The following DYRK1B variants were observed in gnomAD, a reference collection of about 807,000 sequenced individuals.
DYRK1B encodes dual specificity tyrosine phosphorylation regulated kinase 1B, also known as dual specificity tyrosine-phosphorylation-regulated kinase 1B.
Under a neutral mutation model 57.1 loss-of-function variants are expected in DYRK1B, and 20 were observed. The ratio of observed to expected loss-of-function variants is 0.35; its 90% CI spans 0.25 to 0.51. The LOEUF (loss-of-function observed/expected upper bound fraction) is 0.51, where lower values mean the gene tolerates loss of function less well. DYRK1B is among the 20% of genes least tolerant of loss of function. The pLI, the probability that DYRK1B is intolerant of heterozygous loss-of-function variation, is 0.96. For synonymous variants in DYRK1B, 409 were observed against 384.7 expected, an observed-to-expected ratio of 1.06 and a Z score of -0.74; for missense variants, 732 against 886.3, an observed-to-expected ratio of 0.83 and a Z score of 2.21.
At chr19:39,829,761 A>G (rs1260415117) in intron 5 of DYRK1B, 119 bp downstream of exon 5, 1 of 1,180,404 alleles carries the variant, frequency 8.5e-7, no homozygotes, top group Non-Finnish European at 1.2e-6. Context: ...GCACAGACCA[A>G]ACCCTGCTCT....
At chr19:39,830,101 G>T in intron 4 of DYRK1B, 74 bp from the exon 5 acceptor site, 1 of 1,561,500 alleles carries the variant, frequency 6.4e-7, no homozygotes, top group South Asian at 1.2e-5. Flanking sequence ...TCTCCCTCCA[G>T]GCAAGGAGAC....
At chr19:39,830,354 G>A in intron 4 of DYRK1B, 21 bp downstream of exon 4, 1 of 1,613,752 alleles carries the variant, frequency 6.2e-7, no homozygotes. Flanking sequence ...TTGGATCAGG[G>A]TGGTGGGGGG....
chr19:39,830,045 G>A lies in DYRK1B; in HGVS notation c.373-18C>T. The A allele has an allele frequency of 6.2e-7, 1 of 1,613,208 alleles. No homozygotes were observed. The highest frequency in any genetic ancestry group is 2.2e-5 in the East Asian group (1 of 44,874). ...TTCACCACCTGTTGGGGCAGGGCAT[G>A]TCACGAAGAAAGGGGTGGGAGCAGG... On this transcript the variant is annotated intron_variant, in intron 4 of 10. Transcript: ENST00000323039.
intron 8 of DYRK1B, 144 bp downstream of exon 8, chr19:39,827,141 G>A (rs1968578228): frequency 1.7e-6 from 2 of 1,185,776 alleles, no homozygotes; most frequent in African/African-American, 1.5e-5. Flanking sequence ...TGGGAGATGG[G>A]GTGGGCAGGG....
At chr19:39,830,843 G>A in intron 2 of DYRK1B, 60 bp from the exon 3 acceptor site, 2 of 1,548,424 alleles carry the variant, frequency 1.3e-6, no homozygotes, top group Non-Finnish European at 1.7e-6. Context: ...ACCTCAAGAG[G>A]AAGAACTGTA....
In DYRK1B at chr19:39,828,681, T is replaced by C. The variant is rs1042899708; in HGVS notation, c.521-98A>G. The stretch of plus-strand genomic sequence containing the variant: ...CAACGCTCTTTGATTACTAGCCACA[T>C]TGTGCTGTCCCCACGGGTACCATCT... On this transcript the variant is annotated intron_variant, in intron 5 of 10. Transcript: ENST00000323039. The surrounding 1 kb of genome is among the most constrained non-coding windows in gnomAD (Gnocchi z 4.3). 10 of 1,290,162 alleles carry C rather than the reference T, an allele frequency of 7.8e-6. No homozygotes were observed. The Admixed American group carries it at 9.0e-5, about 12-fold the overall frequency. 79.9% of individuals were successfully genotyped at this position (1,290,162 alleles called of 1,614,324 possible). A position where few individuals can be genotyped will look rare whatever the true frequency, so the allele number is the denominator to read the frequency against.
intron 1 of DYRK1B, chr19:39,833,270 G>A (rs1169451753): frequency 2.0e-6 from 2 of 985,454 alleles, no homozygotes; most frequent in Non-Finnish European, 2.4e-6. Context: ...CCCCTACCCG[G>A]GTCAGGGCTG....
chr19:39,830,313 C>A (rs752949578), intron 4 of DYRK1B, 62 bp downstream of exon 4: 1 of 1,602,802 alleles, frequency 6.2e-7, no homozygotes, highest in Non-Finnish European at 8.5e-7. Context: ...GCCACTGAAC[C>A]ACTGGGTGTG....
At position 39,826,069 on chromosome 19, in the gene DYRK1B, C is replaced by T. The variant is rs777983485; in HGVS notation, c.1536G>A (p.Pro512=). The T allele has an allele frequency of 6.9e-5, 105 of 1,519,682 alleles. No homozygotes were observed. Among genetic ancestry groups the T allele is most frequent in the African/African-American group, 9.8e-5 (7 of 71,558 alleles). The allele number at this position is 1,519,682 out of a possible 1,614,324, so 94.1% of individuals were successfully genotyped here. A position where few individuals can be genotyped will look rare whatever the true frequency, so the allele number is the denominator to read the frequency against. Residue 512 remains proline, a synonymous_variant, in exon 11 of 11, where the codon CCG becomes CCA. Coordinates refer to ENST00000323039, the MANE Select transcript of DYRK1B (RefSeq NM_004714.3). The surrounding 1 kb of genome is among the most constrained non-coding windows in gnomAD (Gnocchi z 6.3). ...MNSPQVPPSQ[P]LRPWAGGDVP... ...CATCACCCCCTGCCCAGGGCCGCAG[C>T]GGCTGGGAGGGTGGGACCTAAAAAA...
intron 1 of DYRK1B, 116 bp downstream of exon 1, chr19:39,833,907 C>A (rs1271214881): frequency 6.6e-6 from 1 of 152,448 alleles, no homozygotes; most frequent in Non-Finnish European, 1.5e-5. Context: ...CCTGCCACCC[C>A]CCTCCTCTCC....
Position 39,825,563 on chromosome 19 carries a change from C to G in DYRK1B, c.*152G>C, listed in dbSNP as rs1968487291. The G allele has an allele frequency of 1.3e-6, 1 of 764,014 alleles. No individual in the cohort carries two copies. The highest frequency in any genetic ancestry group is 2.1e-6 in the Non-Finnish European group (1 of 486,724). 47.3% of individuals were successfully genotyped at this position (764,014 alleles called of 1,614,324 possible). A position where few individuals can be genotyped will look rare whatever the true frequency, so the allele number is the denominator to read the frequency against. Reference sequence around the variant, plus strand: ...GGAGCGGCCAAAACCCTCTCCTTGACCCCCCTGCCCCAGGCCCCAATCAGT... The same window carrying G: ...GGAGCGGCCAAAACCCTCTCCTTGAGCCCCCTGCCCCAGGCCCCAATCAGT... On this transcript the variant is annotated 3_prime_UTR_variant, in exon 11 of 11. Coordinates refer to ENST00000323039, the MANE Select transcript of DYRK1B (RefSeq NM_004714.3).
In DYRK1B at chr19:39,825,829, G is replaced by C. The variant is rs745813446; in HGVS notation, c.1776C>G (p.Leu592=). 1.2e-6 allele frequency: 2 copies of C among 1,610,302 alleles called. No individual in the cohort carries two copies. Among genetic ancestry groups the C allele is most frequent in the Admixed American group, 3.4e-5 (2 of 59,644 alleles). ...PAPQHPAASA[L]RTRMTGGRPP... ...GACGACCTCCAGTCATCCGAGTCCG[G>C]AGGGCTGAGGCAGCCGGGTGCTGGG... Residue 592 remains leucine (L), a synonymous_variant, in exon 11 of 11, where the codon CTC becomes CTG. Coordinates refer to ENST00000323039, the MANE Select transcript of DYRK1B (RefSeq NM_004714.3).
At position 39,825,979 on chromosome 19, in the gene DYRK1B, T is replaced by TA; in HGVS notation, c.1625dup (p.Leu542PhefsTer33). Reference sequence around the variant, plus strand: ...GACCAAGGTATCGGGGCTGGGGGGGTAACTGGGCCCCGGTCCCAGGCAGTG... The same window carrying TA: ...GACCAAGGTATCGGGGCTGGGGGGGTAAACTGGGCCCCGGTCCCAGGCAGTG... On this transcript the variant is annotated frameshift_variant, in exon 11 of 11. Transcript: ENST00000323039. LOFTEE classifies it high-confidence loss of function. The TA allele has an allele frequency of 1.3e-6, 2 of 1,521,416 alleles. No homozygotes were observed. The highest frequency in any genetic ancestry group is 1.8e-6 in the Non-Finnish European group (2 of 1,137,408). 94.2% of individuals were successfully genotyped at this position (1,521,416 alleles called of 1,614,324 possible).
At position 39,830,647 on chromosome 19, in the gene DYRK1B, C is replaced by A; in HGVS notation, c.183+17G>T. On this transcript the variant is annotated intron_variant, in intron 3 of 10. Coordinates refer to ENST00000323039, the MANE Select transcript of DYRK1B (RefSeq NM_004714.3). ...GACCCTCGGCACCCAGCCCAGGATC[C>A]CCCAGCCCCTGCCCACCTCATTGAT... The A allele has an allele frequency of 6.2e-7, 1 of 1,613,190 alleles. No individual in the cohort carries two copies. Among genetic ancestry groups the A allele is most frequent in the Non-Finnish European group, 8.5e-7 (1 of 1,179,390 alleles).
chr19:39,833,544 A>C (rs916300600), intron 1 of DYRK1B: 1 of 169,102 alleles, frequency 5.9e-6, no homozygotes, highest in Non-Finnish European at 1.2e-5. Flanking sequence ...GGGAGGGGCG[A>C]CACGCCCCAC....
intron 3 of DYRK1B, 36 bp from the exon 4 acceptor site, chr19:39,830,599 G>A (rs1968763180): frequency 1.9e-6 from 3 of 1,613,662 alleles, no homozygotes; most frequent in Non-Finnish European, 2.5e-6. Flanking sequence ...GGGGACTGGT[G>A]AGTGACTCAT....
At chr19:39,831,773 C>T in intron 2 of DYRK1B, 32 bp downstream of exon 2, 1 of 1,549,248 alleles carries the variant, frequency 6.5e-7, no homozygotes. Flanking sequence ...CCCCCTACCA[C>T]CACGCAGGTG....
At chr19:39,829,510 A>G (rs1299191058) in intron 5 of DYRK1B, among the ~76,000 whole-genome samples, 1 of 152,162 alleles carries the variant, frequency 6.6e-6, no homozygotes, top group African/African-American at 2.4e-5. Flanking sequence ...TACAGGCGTG[A>G]GCCACTGTGC....
Position 39,828,435 on chromosome 19 carries a change from C to A in DYRK1B, c.669G>T (p.Thr223=), listed in dbSNP as rs567231327. Residue 223 remains threonine (T), a synonymous_variant, in exon 6 of 11, where the codon ACG becomes ACT. Coordinates refer to ENST00000323039, the MANE Select transcript of DYRK1B (RefSeq NM_004714.3). The surrounding 1 kb of genome is among the most constrained non-coding windows in gnomAD (Gnocchi z 4.3). The part of the protein sequence containing the change: ...LTRKLAQQLC[T]ALLFLATPEL... ...CAGGCGTGGCCAGAAAGAGCAGTGC[C>A]GTGCAGAGCTGCTGCGCCAGCTTCC... is the stretch of plus-strand genomic sequence containing the variant. 1.9e-6 allele frequency: 3 copies of A among 1,613,914 alleles called. No individual in the cohort carries two copies. Among genetic ancestry groups the A allele is most frequent in the Non-Finnish European group, 2.5e-6 (3 of 1,179,938 alleles).
Sources: allele counts gnomAD v4.1 joint callset (sites outside exome capture counted in the v4.1 genomes callset), GRCh38; gene constraint gnomAD v4.1.1; non-coding constraint Gnocchi (gnomAD v3.1); transcripts MANE v1.5; gene names NCBI Gene and HGNC (gene_info 2026-07-23, HGNC 2026-07-21).